The following PRKN variants were observed in gnomAD, a reference collection of about 807,000 sequenced individuals.
PRKN encodes parkin RBR E3 ubiquitin protein ligase.
Under a neutral mutation model 59.5 loss-of-function variants are expected in PRKN, and 56 were observed. The observed-to-expected ratio is 0.94, with a 90% CI of 0.76 to 1.18. The LOEUF (loss-of-function observed/expected upper bound fraction) is 1.18, where lower values mean the gene tolerates loss of function less well. Among genes scored for constraint, PRKN ranks in the 50% most tolerant of loss-of-function variants. PRKN has a pLI of 0.00. For synonymous variants in PRKN, 250 were observed against 222.1 expected, an observed-to-expected ratio of 1.13 and a Z score of -1.12; for missense variants, 657 against 596.4, an observed-to-expected ratio of 1.10 and a Z score of -1.06.
Position 162,443,482 on chromosome 6 carries a change from G to A in PRKN, c.8-9C>T, listed in dbSNP as rs968218102. 6.2e-7 allele frequency: 1 copy of A among 1,613,764 alleles called. No homozygotes were observed. The highest frequency in any genetic ancestry group is 2.2e-5 in the East Asian group (1 of 44,862). The stretch of plus-strand genomic sequence containing the variant: ...GTTGAACCTGACAAACACTGACCAA[G>A]GAAATTGGAAGGGAGAAGAGAAAGT... On this transcript the variant is annotated splice_polypyrimidine_tract_variant and intron_variant, in intron 1 of 11. Coordinates refer to ENST00000366898, the MANE Select transcript of PRKN (RefSeq NM_004562.3).
intron 1 of PRKN, among the ~76,000 whole-genome samples, chr6:162,512,050 G>C (rs1040791058): frequency 2.0e-5 from 3 of 152,110 alleles, no homozygotes; most frequent in African/African-American, 7.2e-5. Flanking sequence ...AGTGTTCACT[G>C]CATGCCAATA....
At chr6:162,295,701 C>T (rs1014465027) in intron 2 of PRKN, among the ~76,000 whole-genome samples, 3 of 152,170 alleles carry the variant, frequency 2.0e-5, no homozygotes, top group Non-Finnish European at 2.9e-5. Context: ...TCTTCACTTC[C>T]CAGGAAAGCA....
At position 162,262,593 on chromosome 6, in the gene PRKN, T is replaced by C; in HGVS notation, c.344A>G (p.Asp115Gly). 1.2e-6 allele frequency: 2 copies of C among 1,612,640 alleles called. No individual in the cohort carries two copies. The highest frequency in any genetic ancestry group is 1.7e-6 in the Non-Finnish European group (2 of 1,179,058). The change falls in exon 3 of 12, where the codon GAC becomes GGC. Residue 115 changes from aspartate (D) to glycine (G), a missense_variant. Transcript: ENST00000366898. ...CAGAATGACAGCCAGCCCCACAGAGTCTCCTGGGAGGACTGAGCTGCTGAG... is the reference window on the plus strand; with the variant it reads ...CAGAATGACAGCCAGCCCCACAGAGCCTCCTGGGAGGACTGAGCTGCTGAG... ...VDLSSSVLPGDSVGLAVILHT... is the reference protein window; with the variant it reads ...VDLSSSVLPGGSVGLAVILHT...
chr6:162,039,517 C>T (rs570777569), intron 5 of PRKN, among the ~76,000 whole-genome samples: 5 of 152,250 alleles, frequency 3.3e-5, no homozygotes, highest in African/African-American at 1.2e-4. Flanking sequence ...TTCTCTCTCT[C>T]TTGTTTCCCC....
intron 9 of PRKN, among the ~76,000 whole-genome samples, chr6:161,412,242 CCACT>C (rs1192038003): frequency 1.3e-5 from 2 of 149,138 alleles, no homozygotes; most frequent in African/African-American, 2.5e-5. Context: ...ACTCATTCCT[CCACT>C]CACTCATTCC....
intron 2 of PRKN, among the ~76,000 whole-genome samples, chr6:162,303,913 G>A (rs113725841): frequency 3.9e-4 from 59 of 152,178 alleles, no homozygotes; most frequent in African/African-American, 1.3e-3. Flanking sequence ...AATGAGGAGG[G>A]AGGCAGCCTT....
chr6:161,891,835 A>T (rs919926506), intron 6 of PRKN, among the ~76,000 whole-genome samples: 1 of 152,204 alleles, frequency 6.6e-6, no homozygotes, highest in African/African-American at 2.4e-5. Flanking sequence ...TGTCTCAAGA[A>T]AAGCAAATAT....
intron 6 of PRKN, among the ~76,000 whole-genome samples, chr6:161,897,901 A>C (rs1421950871): frequency 1.5e-5 from 2 of 131,066 alleles, no homozygotes; most frequent in South Asian, 2.6e-4. Flanking sequence ...CGGGAGGCGG[A>C]GCTTGCAGTG....
In PRKN at chr6:161,465,467, C is replaced by A. The variant is rs1199176734; in HGVS notation, c.1084-78590G>T. Among the ~76,000 whole-genome samples the A allele has an allele frequency of 1.3e-5, 2 of 149,298 alleles. 1 individual carries two copies. Among genetic ancestry groups the A allele is most frequent in the Non-Finnish European group, 3.0e-5 (2 of 67,070 alleles). Reference sequence around the variant, plus strand: ...ATCTGAAAATGTTATTTTTGGGGGCCTTTCTTTTGGGGATTTTTTTTTTTT... The same window carrying A: ...ATCTGAAAATGTTATTTTTGGGGGCATTTCTTTTGGGGATTTTTTTTTTTT... On this transcript the variant is annotated intron_variant, in intron 9 of 11. Coordinates refer to ENST00000366898, the MANE Select transcript of PRKN (RefSeq NM_004562.3).
At chr6:161,420,267 A>G (rs968132434) in intron 9 of PRKN, among the ~76,000 whole-genome samples, 5 of 152,008 alleles carry the variant, frequency 3.3e-5, no homozygotes, top group African/African-American at 1.2e-4. Context: ...GAACTTGATA[A>G]AGTAAAAAAC....
In PRKN at chr6:161,363,126, C is replaced by T. The variant is rs1187042580; in HGVS notation, c.1168-2921G>A. Reference sequence around the variant, plus strand: ...GCGTGGTGGTGTGCACCTGTAGTCCCAGGTACTTGGGAGGCTGAGGCAGGA... The same window carrying T: ...GCGTGGTGGTGTGCACCTGTAGTCCTAGGTACTTGGGAGGCTGAGGCAGGA... On this transcript the variant is annotated intron_variant, in intron 10 of 11. Transcript: ENST00000366898. This position sits in a 1 kb window ranked among gnomAD's most constrained non-coding sequence, Gnocchi z 4.1. 6.6e-6 allele frequency among the ~76,000 whole-genome samples: 1 copy of T among 152,104 alleles called. No homozygotes were observed. The highest frequency in any genetic ancestry group is 1.5e-5 in the Non-Finnish European group (1 of 68,016).
intron 7 of PRKN, among the ~76,000 whole-genome samples, chr6:161,689,477 G>A (rs1785694605): frequency 1.3e-5 from 2 of 152,054 alleles, no homozygotes; most frequent in Admixed American, 1.3e-4. Context: ...ACCCTGTAGG[G>A]ACTGTCAAAA....
intron 2 of PRKN, among the ~76,000 whole-genome samples, chr6:162,274,697 C>T (rs1186291112): frequency 1.3e-5 from 2 of 152,146 alleles, no homozygotes; most frequent in African/African-American, 2.4e-5. Flanking sequence ...ATGGGTTAAT[C>T]CATTGTAGAA....
In PRKN at chr6:162,383,032, C is replaced by T. The variant is rs182951888; in HGVS notation, c.171+60278G>A. Among the ~76,000 whole-genome samples, 73 of 152,294 alleles carry T rather than the reference C, an allele frequency of 4.8e-4. No homozygotes were observed. In the East Asian group the frequency reaches 0.013, roughly 27 times the overall value. On this transcript the variant is annotated intron_variant, in intron 2 of 11. Transcript: ENST00000366898. ...TTCAGGCTCCAATTTAATTCTAGAT[C>T]TCTTGCTATTTTCACCACATCTGCG...
At chr6:162,242,413 T>C (rs2128092130) in intron 3 of PRKN, among the ~76,000 whole-genome samples, 1 of 152,202 alleles carries the variant, frequency 6.6e-6, no homozygotes, top group South Asian at 2.1e-4. Context: ...AACATGAACC[T>C]CTTAGTAGTC....
chr6:162,691,318 A>C, intron 1 of PRKN, among the ~76,000 whole-genome samples: 1 of 152,198 alleles, frequency 6.6e-6, no homozygotes, highest in Non-Finnish European at 1.5e-5. Flanking sequence ...ATTTCAACTA[A>C]TTTGTTTTAA....
chr6:161,386,759 G>T lies in PRKN; in HGVS notation c.1167+35C>A. 1 of 1,504,522 alleles carries T rather than the reference G, an allele frequency of 6.6e-7. No homozygotes were observed. Among genetic ancestry groups the T allele is most frequent in the Non-Finnish European group, 9.3e-7 (1 of 1,080,280 alleles). The allele number at this position is 1,504,522 out of a possible 1,614,324, so 93.2% of individuals were successfully genotyped here. ...GCTCCAGTCCCCCACTGTATCCGGA[G>T]CCCTGCTTGGAGGAATGAGTAGGGC... On this transcript the variant is annotated intron_variant, in intron 10 of 11. Transcript: ENST00000366898. The surrounding 1 kb of genome is among the most constrained non-coding windows in gnomAD (Gnocchi z 4.3).
intron 6 of PRKN, among the ~76,000 whole-genome samples, chr6:161,792,451 T>A (rs993952371): frequency 2.0e-5 from 3 of 152,202 alleles, no homozygotes; most frequent in Non-Finnish European, 1.5e-5. Context: ...AATGCTCAGT[T>A]ATCAAGAGTG....
intron 1 of PRKN, among the ~76,000 whole-genome samples, chr6:162,553,551 A>AT (rs1779416001): frequency 6.9e-6 from 1 of 145,184 alleles, no homozygotes; most frequent in Non-Finnish European, 1.5e-5. Context: ...CCAAAAAAAA[A>AT]AAAAAACACC....
Sources: allele counts gnomAD v4.1 joint callset (sites outside exome capture counted in the v4.1 genomes callset), GRCh38; gene constraint gnomAD v4.1.1; non-coding constraint Gnocchi (gnomAD v3.1); transcripts MANE v1.5; gene names NCBI Gene and HGNC (gene_info 2026-07-23, HGNC 2026-07-21).